Variants in SHQ1 observed in about 807,000 individuals in gnomAD.
SHQ1 encodes the protein SHQ1, H/ACA ribonucleoprotein assembly factor, also known as protein SHQ1 homolog.
SHQ1 carries 49 observed loss-of-function variants against 53.8 expected under a neutral mutation model. The observed-to-expected ratio is 0.91, with a 90% confidence interval of 0.72 to 1.16. The LOEUF (loss-of-function observed/expected upper bound fraction) is 1.16. SHQ1 is among the 50% of genes most tolerant of loss of function. SHQ1 has a pLI of 0.00. For synonymous variants in SHQ1, 243 were observed against 251.0 expected, an observed-to-expected ratio of 0.97 and a Z score of 0.30; for missense variants, 738 against 683.1, an observed-to-expected ratio of 1.08 and a Z score of -0.90.
At chr3:72,761,887 G>C (rs989100423) in intron 10 of SHQ1, among the ~76,000 whole-genome samples, 1 of 152,128 alleles carries the variant, frequency 6.6e-6, no homozygotes, top group Non-Finnish European at 1.5e-5. Flanking sequence ...CAATTATATA[G>C]AGAGTCATTT....
intron 10 of SHQ1, among the ~76,000 whole-genome samples, chr3:72,790,240 T>C (rs934877047): frequency 2.0e-5 from 3 of 152,216 alleles, no homozygotes; most frequent in African/African-American, 7.2e-5. Context: ...TAGGGAAACC[T>C]AGTACGAAAG....
chr3:72,773,499 A>G (rs1705896987), intron 10 of SHQ1: 7 of 259,014 alleles, frequency 2.7e-5, no homozygotes, highest in Admixed American at 5.4e-5. Flanking sequence ...AAAAAAAAAG[A>G]AAAAAAAGAA....
downstream of SHQ1, among the ~76,000 whole-genome samples, chr3:72,747,584 A>G (rs1320166065): frequency 6.6e-6 from 1 of 152,242 alleles, no homozygotes; most frequent in Non-Finnish European, 1.5e-5. Flanking sequence ...ACTTGGGGTG[A>G]CCAAGGCAGC....
chr3:72,738,907 C>T, the SHQ1 span, among the ~76,000 whole-genome samples: 1 of 152,180 alleles, frequency 6.6e-6, no homozygotes, highest in Non-Finnish European at 1.5e-5. Context: ...CCCCGCCCCG[C>T]GACGCCCGAG....
intron 6 of SHQ1, among the ~76,000 whole-genome samples, chr3:72,819,019 T>C (rs1201229806): frequency 6.6e-6 from 1 of 152,198 alleles, no homozygotes; most frequent in African/African-American, 2.4e-5. Context: ...TGGATATCTT[T>C]GGCTACAGCC....
downstream of SHQ1, among the ~76,000 whole-genome samples, chr3:72,745,359 G>C (rs1257341745): frequency 6.6e-6 from 1 of 152,134 alleles, no homozygotes; most frequent in East Asian, 1.9e-4. Flanking sequence ...CCAGTGAAAG[G>C]TGATACCAGC....
chr3:72,831,418 C>T (rs1559694973), intron 5 of SHQ1, among the ~76,000 whole-genome samples: 1 of 152,170 alleles, frequency 6.6e-6, no homozygotes, highest in East Asian at 1.9e-4. Context: ...CAAGTCTTGG[C>T]CAAGCCACTT....
intron 10 of SHQ1, among the ~76,000 whole-genome samples, chr3:72,785,432 T>A (rs897297223): frequency 2.0e-5 from 3 of 152,214 alleles, no homozygotes; most frequent in African/African-American, 7.2e-5. Context: ...GCTCTGGAGC[T>A]GGAGGTCACA....
intron 10 of SHQ1, chr3:72,752,958 C>A (rs1015396061): frequency 1.0e-6 from 1 of 985,104 alleles, no homozygotes; most frequent in Non-Finnish European, 1.2e-6. Flanking sequence ...CCACCATGAC[C>A]AGCCGAAGAC....
rs549132671 is a variant in SHQ1, at chr3:72,788,931, C to T, written c.1181+3985G>A. 2.3e-4 allele frequency among the ~76,000 whole-genome samples: 35 copies of T among 152,146 alleles called. 2 individuals carry two copies. In the East Asian group the frequency reaches 6.8e-3, roughly 29 times the overall value. The stretch of plus-strand genomic sequence containing the variant: ...CCCTAATCTCAAGTACCCAGGGACA[C>T]AAACACTGCAGAAGGTGGCAGGGCC... On this transcript the variant is annotated intron_variant, in intron 10 of 10. Coordinates refer to ENST00000325599, the MANE Select transcript of SHQ1 (RefSeq NM_018130.3).
At chr3:72,756,806 T>C (rs1487170452) in intron 10 of SHQ1, among the ~76,000 whole-genome samples, 1 of 152,234 alleles carries the variant, frequency 6.6e-6, no homozygotes, top group Non-Finnish European at 1.5e-5. Flanking sequence ...AATAATATCC[T>C]ATTTGGAGAA....
intron 9 of SHQ1, among the ~76,000 whole-genome samples, chr3:72,798,225 C>T (rs890040591): frequency 6.6e-6 from 1 of 152,162 alleles, no homozygotes; most frequent in Admixed American, 6.5e-5. Flanking sequence ...ACAGTAACCA[C>T]GGTAACTATT....
chr3:72,791,840 A>T (rs951097378), intron 10 of SHQ1, among the ~76,000 whole-genome samples: 1 of 152,116 alleles, frequency 6.6e-6, no homozygotes, highest in African/African-American at 2.4e-5. Context: ...GCATGAACCA[A>T]CATGCCTGGC....
rs1203595963 is a variant in SHQ1, at chr3:72,841,054, T to C, written c.477A>G (p.Gln159=). 6.8e-6 allele frequency: 11 copies of C among 1,610,904 alleles called. No individual in the cohort carries two copies. The highest frequency in any genetic ancestry group is 3.3e-5 in the South Asian group (3 of 90,082). The change falls in exon 4 of 11, where the codon CAA becomes CAG. Residue 159 remains glutamine, a synonymous_variant. Coordinates refer to ENST00000325599, the MANE Select transcript of SHQ1 (RefSeq NM_018130.3). ...GFGNLRSGVL[Q]RLQDELSDVI... ...CAGAAAGACAACATACCTGTAACCG[T>C]TGCAACACTCCTGATCGTAAGTTTC...
At chr3:72,793,255 TC>T in intron 9 of SHQ1, 1 of 359,996 alleles carries the variant, frequency 2.8e-6, no homozygotes, top group Non-Finnish European at 5.0e-6. Flanking sequence ...CACCTGTAAT[TC>T]CAGCACTTTG....
intron 9 of SHQ1, among the ~76,000 whole-genome samples, chr3:72,802,362 A>G (rs1706814879): frequency 6.6e-6 from 1 of 152,086 alleles, no homozygotes; most frequent in African/African-American, 2.4e-5. Context: ...CAATGACTCT[A>G]TCCTAAGTGC....
intron 4 of SHQ1, among the ~76,000 whole-genome samples, chr3:72,840,326 G>A (rs2106953620): frequency 6.6e-6 from 1 of 150,770 alleles, no homozygotes; most frequent in East Asian, 2.0e-4. Context: ...AACTTTGGGA[G>A]GCCAAGGCAG....
intron 1 of SHQ1, chr3:72,846,423 G>T: frequency 1.1e-6 from 1 of 943,200 alleles, no homozygotes; most frequent in Non-Finnish European, 1.6e-6. Context: ...AGCTTCCCAA[G>T]TAGCTAGGAC....
intron 5 of SHQ1, among the ~76,000 whole-genome samples, chr3:72,829,233 C>A (rs928759760): frequency 6.6e-6 from 1 of 152,182 alleles, no homozygotes; most frequent in Admixed American, 6.5e-5. Flanking sequence ...CAATTTTGGA[C>A]ATGTTGAACA....
Sources: allele counts gnomAD v4.1 joint callset (sites outside exome capture counted in the v4.1 genomes callset), GRCh38; gene constraint gnomAD v4.1.1; transcripts MANE v1.5; gene names NCBI Gene and HGNC (gene_info 2026-07-23, HGNC 2026-07-21).